The following TUBE1 variants were observed in gnomAD, a reference collection of about 807,000 sequenced individuals.
TUBE1 encodes tubulin epsilon 1, also known as tubulin epsilon chain.
Under a neutral mutation model 53.5 loss-of-function variants are expected in TUBE1, and 34 were observed. The ratio of observed to expected loss-of-function variants is 0.64; its 90% CI spans 0.48 to 0.85. TUBE1 has a LOEUF of 0.85. Ranked by LOEUF, TUBE1 falls within the 40% of genes least tolerant of loss-of-function variation. The pLI, the probability that TUBE1 is intolerant of heterozygous loss-of-function variation, is 0.00. For synonymous variants in TUBE1, 177 were observed against 198.4 expected, an observed-to-expected ratio of 0.89 and a Z score of 0.91; for missense variants, 532 against 570.5, an observed-to-expected ratio of 0.93 and a Z score of 0.69.
At chr6:112,084,738 G>C (rs1583598962) in intron 3 of TUBE1, among the ~76,000 whole-genome samples, 1 of 152,218 alleles carries the variant, frequency 6.6e-6, no homozygotes, top group Non-Finnish European at 1.5e-5. Flanking sequence ...AGATTTGTGA[G>C]ATAAATGAAT....
intron 3 of TUBE1, 141 bp from the exon 4 acceptor site, chr6:112,084,387 T>G: frequency 4.5e-6 from 3 of 664,350 alleles, no homozygotes; most frequent in Non-Finnish European, 5.3e-6. Context: ...TCCTAATCTC[T>G]TTCTTCCTTG....
chr6:112,086,249 T>C (rs981424731), intron 3 of TUBE1, among the ~76,000 whole-genome samples: 16 of 152,202 alleles, frequency 1.1e-4, no homozygotes, highest in African/African-American at 3.1e-4. Flanking sequence ...ACAATATATT[T>C]TTCTTTCAAA....
At chr6:112,081,798 GGAAAAAAAAAAAACA>G (rs1235322052) in intron 4 of TUBE1, among the ~76,000 whole-genome samples, 1 of 134,562 alleles carries the variant, frequency 7.4e-6, no homozygotes, top group Non-Finnish European at 1.6e-5. Context: ...AATTAATTAT[GGAAAAAAAAAAAACA>G]GAAAAAAAAA....
At chr6:112,077,405 T>A (rs1361793664) in intron 6 of TUBE1, 2 of 152,180 alleles carry the variant, frequency 1.3e-5, no homozygotes, top group East Asian at 3.8e-4. Context: ...AATCCTCTAA[T>A]CCGATGTTTT....
chr6:112,077,174 G>A (rs1583594413), intron 6 of TUBE1: 3 of 152,242 alleles, frequency 2.0e-5, no homozygotes, highest in African/African-American at 7.2e-5. Flanking sequence ...AGTGTAGTGT[G>A]TATATAATCT....
In TUBE1 at chr6:112,074,801, T is replaced by C. The variant is rs144098867; in HGVS notation, c.862A>G (p.Met288Val). The C allele has an allele frequency of 5.6e-6, 9 of 1,608,384 alleles. No individual in the cohort carries two copies. Among genetic ancestry groups the C allele is most frequent in the Admixed American group, 1.7e-5 (1 of 59,264 alleles). The change falls in exon 9 of 12, where the codon ATG (methionine) becomes GTG (valine). Residue 288 changes from methionine to valine, a missense_variant. Coordinates refer to ENST00000368662, the MANE Select transcript of TUBE1 (RefSeq NM_016262.5). The part of the protein sequence containing the change: ...SLNMDLNEIS[M>V]NLVPFPQLHY... Reference sequence around the variant, plus strand: ...AGTTGAGGAAAAGGAACTAAATTCATGCTGATTTCATTAAGGTCCATATTA... The same window carrying C: ...AGTTGAGGAAAAGGAACTAAATTCACGCTGATTTCATTAAGGTCCATATTA...
Position 112,071,247 on chromosome 6 carries a change from A to G in TUBE1, c.*165T>C. On this transcript the variant is annotated 3_prime_UTR_variant, in exon 12 of 12. Coordinates refer to ENST00000368662, the MANE Select transcript of TUBE1 (RefSeq NM_016262.5). Reference sequence around the variant, plus strand: ...TACTAAGATTTCACTAATTTCACACATTGGTATTACCAACAAATTGCGATT... The same window carrying G: ...TACTAAGATTTCACTAATTTCACACGTTGGTATTACCAACAAATTGCGATT... 1 of 568,600 alleles carries G rather than the reference A, an allele frequency of 1.8e-6. No individual in the cohort carries two copies. Among genetic ancestry groups the G allele is most frequent in the Non-Finnish European group, 2.9e-6 (1 of 349,374 alleles). The allele number at this position is 568,600 out of a possible 1,614,324, so 35.2% of individuals were successfully genotyped here.
At position 112,076,417 on chromosome 6, in the gene TUBE1, C is replaced by G; in HGVS notation, c.541G>C (p.Gly181Arg). The change falls in exon 7 of 12, where the codon GGT becomes CGT. Residue 181 changes from glycine (G) to arginine (R), a missense_variant. Gly to Arg is a moderately radical substitution (Grantham distance 125). Coordinates refer to ENST00000368662, the MANE Select transcript of TUBE1 (RefSeq NM_016262.5). ...YRFVTSIYPSGEDDVITSPYN... is the reference protein window; with the variant it reads ...YRFVTSIYPSREDDVITSPYN... ...GGTGAGGTTATGACATCATCCTCAC[C>G]AGAAGGATAAATGGAAGTCACAAAT... 6.2e-7 allele frequency: 1 copy of G among 1,613,556 alleles called. No individual in the cohort carries two copies. The highest frequency in any genetic ancestry group is 8.5e-7 in the Non-Finnish European group (1 of 1,179,760).
intron 9 of TUBE1, among the ~76,000 whole-genome samples, chr6:112,074,045 A>G (rs782100365): frequency 6.6e-6 from 1 of 152,162 alleles, no homozygotes; most frequent in Non-Finnish European, 1.5e-5. Flanking sequence ...CAGCCAATTT[A>G]GTTTTCCCTT....
At chr6:112,080,976 A>G (rs1777060414) in intron 5 of TUBE1, 116 bp downstream of exon 5, 1 of 543,032 alleles carries the variant, frequency 1.8e-6, no homozygotes, top group African/African-American at 1.9e-5. Context: ...GTGGGCTGAA[A>G]GGCCTAGCAT....
intron 6 of TUBE1, chr6:112,078,462 G>C (rs1480732394): frequency 5.9e-5 from 9 of 151,936 alleles, no homozygotes; most frequent in Admixed American, 5.9e-4. Flanking sequence ...GGATAATCTT[G>C]TTTATGTAAA....
intron 10 of TUBE1, among the ~76,000 whole-genome samples, chr6:112,072,474 T>G (rs1554315487): frequency 1.3e-5 from 2 of 152,202 alleles, no homozygotes; most frequent in Non-Finnish European, 2.9e-5. Flanking sequence ...ATAGTAGTAC[T>G]GGTGGCAGTG....
Position 112,071,500 on chromosome 6 carries a change from A to G in TUBE1, c.1340T>C (p.Leu447Ser). The stretch of plus-strand genomic sequence containing the variant: ...GTCATATTCCTGTATGAGTGCTGAT[A>G]AAGATGACACAGCTTCTGTGAAACA... Reference protein sequence around the residue: ...ESCFTEAVSSLSALIQEYDQL... With the variant: ...ESCFTEAVSSSSALIQEYDQL... The change falls in exon 12 of 12, where the codon TTA becomes TCA. Residue 447 changes from leucine (L) to serine (S), a missense_variant. Leu to Ser is a moderately radical substitution (Grantham distance 145, BLOSUM62 -2). Coordinates refer to ENST00000368662, the MANE Select transcript of TUBE1 (RefSeq NM_016262.5). 6.2e-7 allele frequency: 1 copy of G among 1,612,796 alleles called. No individual in the cohort carries two copies. The highest frequency in any genetic ancestry group is 8.5e-7 in the Non-Finnish European group (1 of 1,179,202).
intron 4 of TUBE1, chr6:112,083,941 CT>C (rs1331675497): frequency 4.5e-6 from 2 of 443,308 alleles, no homozygotes; most frequent in African/African-American, 4.0e-5. Flanking sequence ...AAGAATGCTC[CT>C]TTTGTTATCA....
intron 9 of TUBE1, among the ~76,000 whole-genome samples, chr6:112,073,140 A>G (rs1776899120): frequency 6.6e-6 from 1 of 152,068 alleles, no homozygotes; most frequent in African/African-American, 2.4e-5. Flanking sequence ...CTTCTGCAGT[A>G]TATGGGTGAT....
rs1776873288 is a variant in TUBE1 at position 112,071,925 on chromosome 6, ATC to A, written c.1244_1245del (p.Arg415IlefsTer18). On this transcript the variant is annotated frameshift_variant, in exon 11 of 12. Coordinates refer to ENST00000368662, the MANE Select transcript of TUBE1 (RefSeq NM_016262.5). LOFTEE classifies it high-confidence loss of function. Reference sequence around the variant, plus strand: ...ACCTTTTTCTTGTAGAGCCTCATGAATCTCTCTTTCAGTTCCATGAAGGTGGG... The same window carrying A: ...ACCTTTTTCTTGTAGAGCCTCATGAATCTCTTTCAGTTCCATGAAGGTGGG... Reference protein sequence around the residue: ...VKPTFMELKERFMRLYKKKAH... With the variant: ...VKPTFMELKEXFMRLYKKKAH... 2 of 1,604,616 alleles carry A rather than the reference ATC, an allele frequency of 1.2e-6. No individual in the cohort carries two copies. Among genetic ancestry groups the A allele is most frequent in the African/African-American group, 1.3e-5 (1 of 74,468 alleles).
intron 4 of TUBE1, among the ~76,000 whole-genome samples, chr6:112,083,522 G>A (rs1554317019): frequency 6.6e-6 from 1 of 152,038 alleles, no homozygotes; most frequent in African/African-American, 2.4e-5. Flanking sequence ...GTTTCACCAT[G>A]TTAGCCAGGA....
chr6:112,074,599 AG>A (rs1776922824), intron 9 of TUBE1, 110 bp downstream of exon 9: 7 of 727,768 alleles, frequency 9.6e-6, no homozygotes, highest in Non-Finnish European at 1.4e-5. Context: ...CAACTCTCAC[AG>A]ATAAGATGAT....
chr6:112,079,871 T>G, intron 5 of TUBE1, 117 bp from the exon 6 acceptor site: 2 of 943,526 alleles, frequency 2.1e-6, no homozygotes, highest in Non-Finnish European at 3.1e-6. Flanking sequence ...TTGAGCTAAG[T>G]AAAGTCTATT....
Sources: gnomAD v4.1 joint callset for allele counts (sites outside exome capture counted in the v4.1 genomes callset) on GRCh38, gnomAD v4.1.1 for gene constraint, MANE v1.5 for transcripts, NCBI Gene and HGNC (gene_info 2026-07-23, HGNC 2026-07-21) for gene names.